The following CNTN4 variants were observed in gnomAD, a reference collection of about 807,000 sequenced individuals.
CNTN4 encodes the protein contactin 4, also known as contactin-4.
A neutral mutation model predicts 122.5 loss-of-function variants in CNTN4; 77 were observed. The observed-to-expected ratio is 0.63, with a 90% CI of 0.52 to 0.76. The LOEUF (loss-of-function observed/expected upper bound fraction) is 0.76, where lower values mean the gene tolerates loss of function less well. CNTN4 is among the 30% of genes least tolerant of loss of function. CNTN4 has a pLI of 0.00. For missense variants in CNTN4, 1,256 were observed against 1,259.1 expected (o/e 1.00, Z 0.04); for synonymous variants, 512 against 447.0 (o/e 1.15, Z -1.83).
intron 3 of CNTN4, among the ~76,000 whole-genome samples, chr3:2,464,151 T>G (rs1485853858): frequency 6.6e-6 from 1 of 152,208 alleles, no homozygotes; most frequent in African/African-American, 2.4e-5. Context: ...TCCTCTGCTC[T>G]ATCTATCCTA....
intron 2 of CNTN4, among the ~76,000 whole-genome samples, chr3:2,231,486 T>C (rs1455492850): frequency 6.6e-6 from 1 of 152,208 alleles, no homozygotes; most frequent in Non-Finnish European, 1.5e-5. Context: ...AATCATCTGA[T>C]AAAGAGCTTC....
intron 5 of CNTN4, among the ~76,000 whole-genome samples, chr3:2,743,458 G>A (rs1367839827): frequency 1.3e-5 from 2 of 152,074 alleles, no homozygotes; most frequent in African/African-American, 4.8e-5. Context: ...CACATAAAGA[G>A]GTACCTCATG....
Position 3,034,701 on chromosome 3 carries a change from G to C in CNTN4, c.1853G>C (p.Arg618Thr). The C allele has an allele frequency of 6.2e-7, 1 of 1,614,052 alleles. No homozygotes were observed. The highest frequency in any genetic ancestry group is 8.5e-7 in the Non-Finnish European group (1 of 1,179,994). Residue 618 changes from arginine to threonine, a missense_variant, in exon 17 of 25, where the codon AGA becomes ACA. Physicochemically the swap from Arg to Thr is moderately conservative, Grantham distance 71 (BLOSUM62 -1). Coordinates refer to ENST00000418658, the MANE Select transcript of CNTN4 (RefSeq NM_175607.3). ...GATACCACTGCTCAGCTCTCCTGGA[G>C]ACCCGGGCCTGACAACCACAGCCCC... ...ITDTTAQLSWRPGPDNHSPIT... is the reference protein window; with the variant it reads ...ITDTTAQLSWTPGPDNHSPIT...
intron 3 of CNTN4, among the ~76,000 whole-genome samples, chr3:2,532,184 A>T (rs538209116): frequency 1.1e-4 from 16 of 152,356 alleles, no homozygotes; most frequent in Middle Eastern, 3.4e-3. Context: ...TCAAAGATGT[A>T]AAATAGACTA....
chr3:2,194,784 A>T (rs1407175350), intron 2 of CNTN4, among the ~76,000 whole-genome samples: 1 of 152,172 alleles, frequency 6.6e-6, no homozygotes, highest in Non-Finnish European at 1.5e-5. Flanking sequence ...AGGAATGCCA[A>T]AGTTTGTTAG....
At chr3:2,146,007 CTG>C (rs2035231299) in intron 2 of CNTN4, among the ~76,000 whole-genome samples, 1 of 149,030 alleles carries the variant, frequency 6.7e-6, no homozygotes, top group South Asian at 2.1e-4. Flanking sequence ...ATACTTTTAT[CTG>C]AGAATTGATA....
intron 3 of CNTN4, among the ~76,000 whole-genome samples, chr3:2,435,733 C>T (rs1057139934): frequency 1.3e-5 from 2 of 152,084 alleles, no homozygotes; most frequent in African/African-American, 4.8e-5. Flanking sequence ...TTTAGAAAGC[C>T]CACTTAAGAA....
At chr3:2,671,055 C>T (rs1225509018) in intron 4 of CNTN4, among the ~76,000 whole-genome samples, 1 of 152,108 alleles carries the variant, frequency 6.6e-6, no homozygotes, top group Non-Finnish European at 1.5e-5. Context: ...TTTGGTGAAT[C>T]TGACAATTAT....
rs751673122 is a variant in CNTN4, at chr3:2,903,002, A to G, written c.1204A>G (p.Ile402Val). The G allele has an allele frequency of 3.1e-6, 5 of 1,613,684 alleles. No individual in the cohort carries two copies. Among genetic ancestry groups the G allele is most frequent in the Non-Finnish European group, 4.2e-6 (5 of 1,179,760 alleles). The change falls in exon 12 of 25, where the codon ATA (isoleucine) becomes GTA (valine). Residue 402 changes from isoleucine (I) to valine (V), a missense_variant. Transcript: ENST00000418658. ...CTTTTCCAACGCAGAGCTTAGTGTT[A>G]TAGGTGAGTCTTTATACTGGCAAGA... ...VIFSNAELSV[I>V]AVGPDFSRTL...
intron 2 of CNTN4, among the ~76,000 whole-genome samples, chr3:2,131,992 G>A (rs898167992): frequency 6.6e-6 from 1 of 152,146 alleles, no homozygotes; most frequent in South Asian, 2.1e-4. Context: ...TGCTGATTCT[G>A]TGTTGTTCTT....
chr3:2,208,177 A>T (rs185512880), intron 2 of CNTN4, among the ~76,000 whole-genome samples: 1 of 152,298 alleles, frequency 6.6e-6, no homozygotes, highest in African/African-American at 2.4e-5. Flanking sequence ...GTAAATTTCA[A>T]ACCTTCTGGG....
At chr3:2,891,194 T>A (rs2094035839) in intron 10 of CNTN4, among the ~76,000 whole-genome samples, 1 of 152,176 alleles carries the variant, frequency 6.6e-6, no homozygotes, top group South Asian at 2.1e-4. Context: ...CCAGGTGCAG[T>A]GGCTTATGCC....
At chr3:2,554,721 T>C (rs1301057139) in intron 3 of CNTN4, among the ~76,000 whole-genome samples, 1 of 152,190 alleles carries the variant, frequency 6.6e-6, no homozygotes, top group Non-Finnish European at 1.5e-5. Context: ...TGTGTTCCAA[T>C]ATTACTTACA....
At chr3:2,968,927 G>C (rs535689837) in intron 13 of CNTN4, among the ~76,000 whole-genome samples, 2 of 152,288 alleles carry the variant, frequency 1.3e-5, no homozygotes, top group African/African-American at 4.8e-5. Flanking sequence ...GCAAATGACT[G>C]AAATCCAACC....
chr3:2,989,206 A>G lies in CNTN4; in HGVS notation c.1486+734A>G, dbSNP rs1039258159. ...CTTTCACTTTATATATTGCCCTGTC[A>G]TAGGATTTTTGAGTTGAAGGGATCT... On this transcript the variant is annotated intron_variant, in intron 14 of 24. Coordinates refer to ENST00000418658, the MANE Select transcript of CNTN4 (RefSeq NM_175607.3). Among the ~76,000 whole-genome samples, 23 of 152,280 alleles carry G rather than the reference A, an allele frequency of 1.5e-4. No homozygotes were observed. The East Asian group carries it at 4.1e-3, about 27-fold the overall frequency.
chr3:2,853,007 C>T (rs1443119840), intron 7 of CNTN4, among the ~76,000 whole-genome samples: 1 of 151,938 alleles, frequency 6.6e-6, no homozygotes, highest in African/African-American at 2.4e-5. Context: ...TAAGTGGTAC[C>T]AGATGGATAG....
At chr3:2,556,377 A>C (rs2078720723) in intron 3 of CNTN4, among the ~76,000 whole-genome samples, 1 of 152,208 alleles carries the variant, frequency 6.6e-6, no homozygotes, top group South Asian at 2.1e-4. Context: ...TCTGTGGTTT[A>C]CTTACAAACG....
chr3:2,659,083 C>G (rs912753163), intron 4 of CNTN4, among the ~76,000 whole-genome samples: 2 of 151,626 alleles, frequency 1.3e-5, no homozygotes, highest in Non-Finnish European at 2.9e-5. Flanking sequence ...AAAGAATGCT[C>G]TGTTCAAAAA....
At chr3:2,997,935 T>C (rs1384782690) in intron 14 of CNTN4, among the ~76,000 whole-genome samples, 1 of 152,234 alleles carries the variant, frequency 6.6e-6, no homozygotes, top group African/African-American at 2.4e-5. Context: ...ACATACCAAC[T>C]GTCATCTTAT....
Sources: gnomAD v4.1 joint callset for allele counts (sites outside exome capture counted in the v4.1 genomes callset) on GRCh38, gnomAD v4.1.1 for gene constraint, MANE v1.5 for transcripts, NCBI Gene and HGNC (gene_info 2026-07-23, HGNC 2026-07-21) for gene names.